The following ZSCAN25 variants were observed in gnomAD, a reference collection of about 807,000 sequenced individuals.
ZSCAN25 encodes the protein zinc finger and SCAN domain-containing protein 25.
Under a neutral mutation model 38.7 loss-of-function variants are expected in ZSCAN25, and 27 were observed. The observed-to-expected ratio is 0.70, with a 90% CI of 0.51 to 0.96. The LOEUF (loss-of-function observed/expected upper bound fraction) is 0.96, where lower values mean the gene tolerates loss of function less well. Among genes scored for constraint, ZSCAN25 ranks in the 40% least tolerant of loss-of-function variants. ZSCAN25 has a pLI of 0.00. For missense variants in ZSCAN25, 637 were observed against 705.9 expected, an observed-to-expected ratio of 0.90 and a Z score of 1.11; for synonymous variants, 273 against 277.7, an observed-to-expected ratio of 0.98 and a Z score of 0.17.
chr7:99,692,932 C>G, the ZSCAN25 span, among the ~76,000 whole-genome samples: 1 of 152,156 alleles, frequency 6.6e-6, no homozygotes, highest in African/African-American at 2.4e-5. Context: ...CAGTTTTGTT[C>G]CCTTGCTGGT....
At chr7:99,684,731 G>A in the ZSCAN25 span, among the ~76,000 whole-genome samples, 31 of 152,274 alleles carry the variant, frequency 2.0e-4, no homozygotes, top group African/African-American at 6.7e-4. Flanking sequence ...ATTATAGAAT[G>A]CTCCAGATAA....
At chr7:99,717,738 T>G in the ZSCAN25 span, 2 of 1,423,706 alleles carry the variant, frequency 1.4e-6, no homozygotes, top group Non-Finnish European at 1.9e-6. Context: ...TTAACAAATA[T>G]TTAGTGACTG....
the ZSCAN25 span, among the ~76,000 whole-genome samples, chr7:99,696,236 C>CT: frequency 0.72 from 105,364 of 147,342 alleles, 40,463 homozygotes; most frequent in Non-Finnish European, 0.87. Context: ...GAAAGGGTGA[C>CT]TTTTTTTTTT....
At chr7:99,724,315 A>G in the ZSCAN25 span, among the ~76,000 whole-genome samples, 4 of 152,318 alleles carry the variant, frequency 2.6e-5, no homozygotes, top group East Asian at 7.7e-4. Context: ...AATAGCCAGA[A>G]AATGACACTT....
chr7:99,715,242 A>G, the ZSCAN25 span: 1 of 176,678 alleles, frequency 5.7e-6, no homozygotes, highest in Admixed American at 5.4e-5. Context: ...ATAGGCCAGA[A>G]TGTCATGTTA....
the ZSCAN25 span, among the ~76,000 whole-genome samples, chr7:99,729,817 CT>C: frequency 2.6e-5 from 4 of 152,206 alleles, no homozygotes; most frequent in Admixed American, 2.0e-4. Context: ...TGCCCCACCC[CT>C]ATCTCCCCTT....
downstream of ZSCAN25, among the ~76,000 whole-genome samples, chr7:99,634,270 T>A (rs1370746494): frequency 6.6e-6 from 1 of 152,238 alleles, no homozygotes; most frequent in Non-Finnish European, 1.5e-5. Flanking sequence ...GTGCTATGGG[T>A]GTTGTCTGCA....
chr7:99,651,225 G>A, the ZSCAN25 span, among the ~76,000 whole-genome samples: 19 of 152,144 alleles, frequency 1.2e-4, no homozygotes, highest in African/African-American at 3.9e-4. Flanking sequence ...TCGGTAACAT[G>A]TACTTGTGTA....
At chr7:99,715,924 T>G in the ZSCAN25 span, 1 of 1,613,280 alleles carries the variant, frequency 6.2e-7, no homozygotes, top group Non-Finnish European at 8.5e-7. Context: ...GAGAAAGATG[T>G]GGAAAATTAA....
chr7:99,617,792 T>C (rs191739436), intron 1 of ZSCAN25, among the ~76,000 whole-genome samples: 3 of 152,150 alleles, frequency 2.0e-5, no homozygotes, highest in Admixed American at 6.5e-5. Context: ...AGAATAGCAA[T>C]GGGGCAATTT....
the ZSCAN25 span, chr7:99,671,744 A>G: frequency 7.3e-6 from 5 of 686,354 alleles, no homozygotes; most frequent in South Asian, 7.8e-5. Context: ...CTCCTCAAAT[A>G]AATAAAAGTT....
chr7:99,629,663 TG>T lies in ZSCAN25; in HGVS notation c.1282del (p.Glu428ArgfsTer183), dbSNP rs1807817278. On this transcript the variant is annotated frameshift_variant, in exon 8 of 8. Transcript: ENST00000394152. LOFTEE classifies it high-confidence loss of function. This position sits in a 1 kb window ranked among gnomAD's most constrained non-coding sequence, Gnocchi z 5.6. ...TGGAGGTGCACCAGCGCAGCCACACTGGGGAGAAGCCCTACAAGTGCGGGGA... is the reference window on the plus strand; with the variant it reads ...TGGAGGTGCACCAGCGCAGCCACACTGGGAGAAGCCCTACAAGTGCGGGGA... ...HLEVHQRSHT[G>X]EKPYKCGDCW... The T allele has an allele frequency of 1.2e-6, 2 of 1,613,822 alleles. No individual in the cohort carries two copies. The highest frequency in any genetic ancestry group is 8.5e-7 in the Non-Finnish European group (1 of 1,180,008).
the ZSCAN25 span, among the ~76,000 whole-genome samples, chr7:99,677,843 C>A: frequency 5.9e-5 from 9 of 152,306 alleles, no homozygotes; most frequent in South Asian, 1.7e-3. Flanking sequence ...CATTACCTGA[C>A]CTCTCAGGTG....
the ZSCAN25 span, chr7:99,713,386 T>C: frequency 6.3e-6 from 10 of 1,590,974 alleles, no homozygotes; most frequent in Non-Finnish European, 8.6e-6. Flanking sequence ...CTCATCTACC[T>C]GGAATACTTC....
chr7:99,681,056 CTG>C, the ZSCAN25 span, among the ~76,000 whole-genome samples: 1 of 152,332 alleles, frequency 6.6e-6, no homozygotes, highest in South Asian at 2.1e-4. Context: ...CTTGCAATAT[CTG>C]TGTTTCTGTG....
chr7:99,709,837 T>C, the ZSCAN25 span, among the ~76,000 whole-genome samples: 6 of 152,126 alleles, frequency 3.9e-5, no homozygotes, highest in Non-Finnish European at 8.8e-5. Context: ...TTTTGTTATA[T>C]ACATAAAATG....
the ZSCAN25 span, chr7:99,720,475 C>T: frequency 6.3e-7 from 1 of 1,579,222 alleles, no homozygotes; most frequent in Non-Finnish European, 8.7e-7. Context: ...GGAGCCAAAC[C>T]CAGGAAGCCA....
chr7:99,663,453 C>A, the ZSCAN25 span: 2 of 989,866 alleles, frequency 2.0e-6, no homozygotes, highest in Non-Finnish European at 2.4e-6. Context: ...AGTTAGCCAG[C>A]CTTGCAACCT....
chr7:99,717,265 T>C, the ZSCAN25 span: 3 of 1,613,916 alleles, frequency 1.9e-6, no homozygotes, highest in East Asian at 2.2e-5. Context: ...ATAGGGACCA[T>C]CTAAGCACAA....
Sources: allele counts gnomAD v4.1 joint callset (sites outside exome capture counted in the v4.1 genomes callset), GRCh38; gene constraint gnomAD v4.1.1; non-coding constraint Gnocchi (gnomAD v3.1); transcripts MANE v1.5; gene names NCBI Gene and HGNC (gene_info 2026-07-23, HGNC 2026-07-21).